The following SEC31A variants were observed in gnomAD, a reference collection of about 807,000 sequenced individuals.
SEC31A encodes the protein SEC31 homolog A, COPII component.
A neutral mutation model predicts 151.0 loss-of-function variants in SEC31A; 70 were observed. The observed-to-expected ratio is 0.46, with a 90% confidence interval of 0.38 to 0.57. The LOEUF (loss-of-function observed/expected upper bound fraction) is 0.57, where lower values mean the gene tolerates loss of function less well. Among genes scored for constraint, SEC31A ranks in the 20% least tolerant of loss-of-function variants. The probability of loss-of-function intolerance (pLI) is 0.00; values close to 1 mark genes in which losing one functional copy is unlikely to be tolerated. For synonymous variants in SEC31A, 475 were observed against 505.9 expected, an observed-to-expected ratio of 0.94 and a Z score of 0.82; for missense variants, 1,330 against 1,471.2, an observed-to-expected ratio of 0.90 and a Z score of 1.57.
chr4:82,891,009 G>T, intron 1 of SEC31A, 79 bp downstream of exon 1: 1 of 1,524,032 alleles, frequency 6.6e-7, no homozygotes. Flanking sequence ...GACCCAGGCT[G>T]CGGTCCCAGT....
chr4:82,892,407 T>C (rs1164143533), upstream of SEC31A, among the ~76,000 whole-genome samples: 1 of 152,276 alleles, frequency 6.6e-6, no homozygotes, highest in African/African-American at 2.4e-5. Flanking sequence ...ACTTTTTCAA[T>C]AGGCTTGTAT....
intron 23 of SEC31A, 63 bp downstream of exon 23, chr4:82,828,937 C>A: frequency 7.7e-7 from 1 of 1,302,966 alleles, no homozygotes. Context: ...ATAGTGTGTT[C>A]CAAGTGGCTA....
intron 26 of SEC31A, among the ~76,000 whole-genome samples, chr4:82,820,451 C>T (rs1225928000): frequency 1.3e-5 from 2 of 152,018 alleles, no homozygotes; most frequent in Middle Eastern, 3.2e-3. Flanking sequence ...TTTTTTTCTT[C>T]TCCTTTCCTA....
In SEC31A at chr4:82,851,534, A is replaced by G; in HGVS notation, c.2225T>C (p.Val742Ala). 1 of 1,614,090 alleles carries G rather than the reference A, an allele frequency of 6.2e-7. No homozygotes were observed. Residue 742 changes from valine (V) to alanine (A), a missense_variant, in exon 19 of 27, where the codon GTA becomes GCA. Val to Ala is a moderately conservative substitution (Grantham distance 64). Coordinates refer to ENST00000395310, the MANE Select transcript of SEC31A (RefSeq NM_001077207.4). Reference protein sequence around the residue: ...QLTQAMDTSTVGVLLAAKMSQ... With the variant: ...QLTQAMDTSTAGVLLAAKMSQ... ...CATCTTCGCAGCCAAGAGAACTCCT[A>G]CAGTACTAGTGTCCATGGCTTGAGT...
chr4:82,872,519 A>G (rs1402928692), intron 6 of SEC31A, among the ~76,000 whole-genome samples: 1 of 151,906 alleles, frequency 6.6e-6, no homozygotes, highest in Non-Finnish European at 1.5e-5. Flanking sequence ...AAACAAAAAC[A>G]AATGTAAAAC....
chr4:82,837,958 A>C (rs898872423), intron 22 of SEC31A, among the ~76,000 whole-genome samples: 4 of 152,232 alleles, frequency 2.6e-5, no homozygotes, highest in African/African-American at 4.8e-5. Flanking sequence ...GAAATAGAGA[A>C]TAGAGCATCT....
In SEC31A at chr4:82,827,477, C is replaced by T; in HGVS notation, c.3183G>A (p.Gln1061=). ...SFPQPHLPGG[Q]PFHGVQQPLG... is the part of the protein sequence containing the mutation. The stretch of plus-strand genomic sequence containing the variant: ...GAGGTTGCTGTACGCCATGGAAGGG[C>T]TGGCCACCTGGAAGATGTGGCTGTG... Residue 1061 remains glutamine, a synonymous_variant, in exon 24 of 27, where the codon CAG becomes CAA. Coordinates refer to ENST00000395310, the MANE Select transcript of SEC31A (RefSeq NM_001077207.4). 1 of 1,614,184 alleles carries T rather than the reference C, an allele frequency of 6.2e-7. No individual in the cohort carries two copies. The highest frequency in any genetic ancestry group is 8.5e-7 in the Non-Finnish European group (1 of 1,180,042).
intron 19 of SEC31A, among the ~76,000 whole-genome samples, chr4:82,850,154 A>G (rs945761790): frequency 6.6e-6 from 1 of 151,998 alleles, no homozygotes; most frequent in Admixed American, 6.6e-5. Context: ...TAGAAAATGG[A>G]TGTGCTTATA....
intron 5 of SEC31A, 41 bp downstream of exon 5, chr4:82,875,686 G>A: frequency 1.7e-6 from 2 of 1,189,098 alleles, no homozygotes; most frequent in South Asian, 2.6e-5. Context: ...AACTACTTTT[G>A]GCTTTTTTGA....
At chr4:82,865,098 T>C (rs1735017383) in intron 10 of SEC31A, among the ~76,000 whole-genome samples, 1 of 152,082 alleles carries the variant, frequency 6.6e-6, no homozygotes, top group Admixed American at 6.6e-5. Context: ...ATAAAACATA[T>C]TCAAAGGTCC....
chr4:82,895,138 A>G (rs917956045), upstream of SEC31A: 1 of 152,196 alleles, frequency 6.6e-6, no homozygotes, highest in Admixed American at 6.5e-5. Context: ...TAAACCCTGG[A>G]TCTTTAAGAA....
At chr4:82,837,808 A>G (rs1428005801) in intron 22 of SEC31A, among the ~76,000 whole-genome samples, 2 of 152,142 alleles carry the variant, frequency 1.3e-5, no homozygotes, top group Non-Finnish European at 2.9e-5. Flanking sequence ...ACCCAATCCC[A>G]CTTCTCACTG....
chr4:82,878,683 A>C (rs1396241664), intron 4 of SEC31A, 47 bp downstream of exon 4: 1 of 1,500,362 alleles, frequency 6.7e-7, no homozygotes, highest in Non-Finnish European at 9.2e-7. Flanking sequence ...ACTGATTTCA[A>C]ATGAGCAGCA....
chr4:82,893,923 A>G (rs1719948719), upstream of SEC31A: 1 of 152,152 alleles, frequency 6.6e-6, no homozygotes, highest in Non-Finnish European at 1.5e-5. Flanking sequence ...TGCCCTGAAA[A>G]ATTTTTTTAA....
In SEC31A at chr4:82,854,930, T is replaced by G; in HGVS notation, c.1981A>C (p.Lys661Gln). The change falls in exon 17 of 27, where the codon AAG (lysine) becomes CAG (glutamine). Residue 661 changes from lysine to glutamine, a missense_variant. Lys to Gln is a moderately conservative substitution (Grantham distance 53). Transcript: ENST00000395310. The part of the protein sequence containing the change: ...EALAAVLTYA[K>Q]PDEFSALCDL... ...CAAAGGGCTGAAAATTCATCCGGCT[T>G]TGCATAAGTCAATACTGCAGCTAAA... 6.2e-7 allele frequency: 1 copy of G among 1,613,254 alleles called. No homozygotes were observed. Among genetic ancestry groups the G allele is most frequent in the South Asian group, 1.1e-5 (1 of 90,810 alleles).
At chr4:82,842,706 T>C in intron 21 of SEC31A, 1 of 471,370 alleles carries the variant, frequency 2.1e-6, no homozygotes, top group Non-Finnish European at 3.8e-6. Context: ...AAACTGCCTC[T>C]GGTTATGAAA....
chr4:82,872,197 G>A, intron 6 of SEC31A, 111 bp from the exon 7 acceptor site: 2 of 603,426 alleles, frequency 3.3e-6, no homozygotes, highest in East Asian at 6.9e-5. Flanking sequence ...ATCAGCTGTG[G>A]CTTATTTTAT....
chr4:82,850,020 T>A (rs1731150405), intron 19 of SEC31A, among the ~76,000 whole-genome samples: 2 of 151,924 alleles, frequency 1.3e-5, no homozygotes, highest in African/African-American at 4.8e-5. Flanking sequence ...TCTCAGGACG[T>A]ATTCCCCCCA....
intron 21 of SEC31A, chr4:82,844,172 C>T: frequency 2.4e-6 from 1 of 410,184 alleles, no homozygotes; most frequent in Middle Eastern, 6.2e-4. Flanking sequence ...CAGGAGTCAA[C>T]TACTCTGAAC....
Sources: allele counts gnomAD v4.1 joint callset (sites outside exome capture counted in the v4.1 genomes callset), GRCh38; gene constraint gnomAD v4.1.1; transcripts MANE v1.5; gene names NCBI Gene and HGNC (gene_info 2026-07-23, HGNC 2026-07-21).